The following CKAP2L variants were observed in gnomAD, a reference collection of about 807,000 sequenced individuals.
The protein encoded by CKAP2L is cytoskeleton associated protein 2L.
Under a neutral mutation model 65.7 loss-of-function variants are expected in CKAP2L, and 42 were observed. The ratio of observed to expected loss-of-function variants is 0.64; its 90% confidence interval spans 0.50 to 0.83. The LOEUF (loss-of-function observed/expected upper bound fraction) is 0.83. Ranked by LOEUF, CKAP2L falls within the 40% of genes least tolerant of loss-of-function variation. The pLI is 0.00. For synonymous variants in CKAP2L, 325 were observed against 313.5 expected (o/e 1.04, Z -0.39); for missense variants, 908 against 871.0 (o/e 1.04, Z -0.53).
chr2:112,745,454 A>G (rs1680174488), intron 6 of CKAP2L, among the ~76,000 whole-genome samples: 1 of 149,836 alleles, frequency 6.7e-6, no homozygotes, highest in Non-Finnish European at 1.5e-5. Context: ...ATCTCGGCTC[A>G]CTGCAAGCTC....
At chr2:112,742,947 CAG>C (rs1390695700) in intron 6 of CKAP2L, 178 bp from the exon 7 acceptor site, 3 of 567,890 alleles carry the variant, frequency 5.3e-6, no homozygotes, top group South Asian at 2.3e-5. Flanking sequence ...AGTAAAGGAA[CAG>C]AGAAAATTCT....
chr2:112,763,231 G>T (rs1221298002), intron 1 of CKAP2L, among the ~76,000 whole-genome samples: 1 of 152,074 alleles, frequency 6.6e-6, no homozygotes. Flanking sequence ...TCTAACCCTG[G>T]AGCTCACAGC....
At chr2:112,747,605 C>T (rs1349679163) in intron 5 of CKAP2L, among the ~76,000 whole-genome samples, 1 of 152,022 alleles carries the variant, frequency 6.6e-6, no homozygotes, top group East Asian at 1.9e-4. Flanking sequence ...CTGGCTTGTG[C>T]CGTAAGCAGG....
intron 2 of CKAP2L, among the ~76,000 whole-genome samples, chr2:112,762,034 A>G (rs1680737273): frequency 6.6e-6 from 1 of 152,250 alleles, no homozygotes; most frequent in Non-Finnish European, 1.5e-5. Context: ...AATGAAGTGG[A>G]CATGTTCTGT....
Position 112,756,444 on chromosome 2 carries a change from T to C in CKAP2L, c.927A>G (p.Gln309=). The C allele has an allele frequency of 6.2e-7, 1 of 1,613,828 alleles. No homozygotes were observed. The highest frequency in any genetic ancestry group is 8.5e-7 in the Non-Finnish European group (1 of 1,179,862). Residue 309 remains glutamine (Q), a synonymous_variant, in exon 4 of 9, where the codon CAA becomes CAG. Transcript: ENST00000302450. The stretch of plus-strand genomic sequence containing the variant: ...TCTTAGTTTCATTTGGTCTTTCATA[T>C]TGACTCCTATTAACCTTTATATCTT... ...NIKDIKVNRS[Q]YERPNETKIR...
intron 6 of CKAP2L, 114 bp from the exon 7 acceptor site, chr2:112,742,883 C>T: frequency 7.5e-6 from 5 of 663,800 alleles, no homozygotes; most frequent in South Asian, 6.0e-5. Context: ...TTTAAAATCT[C>T]GTCTAACTAT....
At position 112,756,492 on chromosome 2, in the gene CKAP2L, C is replaced by G; in HGVS notation, c.879G>C (p.Lys293Asn). 1 of 1,609,126 alleles carries G rather than the reference C, an allele frequency of 6.2e-7. No homozygotes were observed. The highest frequency in any genetic ancestry group is 1.1e-5 in the South Asian group (1 of 90,066). ...IRTLSKVQSS[K>N]KPVVKNIKDI... is the part of the protein sequence containing the mutation. Reference sequence around the variant, plus strand: ...CTTTGATGTTCTTGACTACTGGTTTCTTTGATGACTGAACTTTACTAAGGG... The same window carrying G: ...CTTTGATGTTCTTGACTACTGGTTTGTTTGATGACTGAACTTTACTAAGGG... The change falls in exon 4 of 9, where the codon AAG becomes AAC. Residue 293 changes from lysine (K) to asparagine (N), a missense_variant. Lys to Asn is a moderately conservative substitution (Grantham distance 94). Transcript: ENST00000302450.
At position 112,743,028 on chromosome 2, in the gene CKAP2L, A is replaced by G. The variant is rs72950402; in HGVS notation, c.1759-259T>C. The G allele has an allele frequency of 0.014, 6,360 of 466,466 alleles. 345 individuals are homozygous for G. The highest frequency in any genetic ancestry group is 0.11 in the African/African-American group (5,785 of 51,040). The allele number at this position is 466,466 out of a possible 1,614,324, so 28.9% of individuals were successfully genotyped here. ...AAGTTGTCCATAATGTAATTTGTCT[A>G]CATCAAATTCTATTTTCCTATTGAT... is the stretch of plus-strand genomic sequence containing the variant. On this transcript the variant is annotated intron_variant, in intron 6 of 8. Coordinates refer to ENST00000302450, the MANE Select transcript of CKAP2L (RefSeq NM_152515.5).
At chr2:112,752,661 A>C (rs1389059297) in intron 4 of CKAP2L, among the ~76,000 whole-genome samples, 187 bp from the exon 5 acceptor site, 1 of 152,234 alleles carries the variant, frequency 6.6e-6, no homozygotes, top group Non-Finnish European at 1.5e-5. Context: ...ACCCACGAGA[A>C]GGCAGACACC....
In CKAP2L at chr2:112,740,885, G is replaced by A. The variant is rs2104854245; in HGVS notation, c.1945C>T (p.Pro649Ser). 6.2e-7 allele frequency: 1 copy of A among 1,614,020 alleles called. No individual in the cohort carries two copies. The highest frequency in any genetic ancestry group is 1.7e-5 in the Admixed American group (1 of 60,024). Residue 649 changes from proline (P) to serine (S), a missense_variant, in exon 8 of 9, where the codon CCC (proline) becomes TCC (serine). Coordinates refer to ENST00000302450, the MANE Select transcript of CKAP2L (RefSeq NM_152515.5). ...PKEREQVTAT[P>S]RIAKAEQHNY... ...TGCTGTTCTGCCTTGGCTATTCGGG[G>A]TGTCGCCGTGACTTGTTCCCTCTCT...
intron 8 of CKAP2L, 79 bp from the exon 9 acceptor site, chr2:112,739,127 T>C (rs1017848686): frequency 8.9e-5 from 99 of 1,106,620 alleles, no homozygotes; most frequent in African/African-American, 1.6e-5. Context: ...TCTTATTCAA[T>C]AATAAAACAG....
intron 4 of CKAP2L, among the ~76,000 whole-genome samples, chr2:112,753,931 C>A (rs994880428): frequency 6.6e-6 from 1 of 152,178 alleles, no homozygotes; most frequent in African/African-American, 2.4e-5. Flanking sequence ...CCTGTAATTA[C>A]CGTGTCTTAT....
At chr2:112,754,553 G>A (rs1249348198) in intron 4 of CKAP2L, among the ~76,000 whole-genome samples, 1 of 152,150 alleles carries the variant, frequency 6.6e-6, no homozygotes, top group Non-Finnish European at 1.5e-5. Context: ...TGTTTCTCTA[G>A]TACTTTCTAT....
intron 3 of CKAP2L, 45 bp from the exon 4 acceptor site, chr2:112,757,259 CTTATT>C (rs143476913): frequency 0.01 from 13,669 of 1,331,836 alleles, 133 homozygotes; most frequent in Non-Finnish European, 0.011. Flanking sequence ...CTTAACATAT[CTTATT>C]GTTTTTAAAA....
chr2:112,742,666 C>T, intron 7 of CKAP2L, 40 bp downstream of exon 7: 1 of 1,260,392 alleles, frequency 7.9e-7, no homozygotes, highest in Non-Finnish European at 1.1e-6. Flanking sequence ...TTTACTGGTA[C>T]AGCTAGAGAA....
chr2:112,756,540 C>T lies in CKAP2L; in HGVS notation c.831G>A (p.Thr277=), dbSNP rs771957695. The T allele has an allele frequency of 1.9e-5, 30 of 1,608,502 alleles. No individual in the cohort carries two copies. The East Asian group carries it at 2.2e-4, about 12-fold the overall frequency. The change falls in exon 4 of 9, where the codon ACG becomes ACA. Residue 277 remains threonine (T), a synonymous_variant. Transcript: ENST00000302450. The stretch of plus-strand genomic sequence containing the variant: ...GGGTCCGAATAAAGTGAGAGGGAAC[C>T]GTCCTTGAGGGTTTTACTCCTGGTC... ...LARPGVKPSR[T]VPSHFIRTLS...
chr2:112,748,015 A>G (rs1311523093), intron 5 of CKAP2L, among the ~76,000 whole-genome samples: 1 of 152,252 alleles, frequency 6.6e-6, no homozygotes. Flanking sequence ...CCAGTGTAAT[A>G]AAACAATGAA....
At chr2:112,746,703 A>T (rs933638640) in intron 5 of CKAP2L, 128 bp from the exon 6 acceptor site, 1 of 605,926 alleles carries the variant, frequency 1.7e-6, no homozygotes, top group Non-Finnish European at 2.7e-6. Flanking sequence ...CTTTTAAAAA[A>T]ATTTCAATTT....
At position 112,738,935 on chromosome 2, in the gene CKAP2L, A is replaced by G; in HGVS notation, c.2126T>C (p.Leu709Ser). The G allele has an allele frequency of 6.2e-7, 1 of 1,614,152 alleles. No homozygotes were observed. Among genetic ancestry groups the G allele is most frequent in the East Asian group, 2.2e-5 (1 of 44,890 alleles). The change falls in exon 9 of 9, where the codon TTA becomes TCA. Residue 709 changes from leucine to serine, a missense_variant. By Grantham distance (145) the Leu-to-Ser change is moderately radical (BLOSUM62 -2). Transcript: ENST00000302450. Reference sequence around the variant, plus strand: ...CAGTTCATCAAGAGAAGCCACTACTAAATCGTGTTCCTGCAGCATTTCTGG... The same window carrying G: ...CAGTTCATCAAGAGAAGCCACTACTGAATCGTGTTCCTGCAGCATTTCTGG... ...RYPEMLQEHDLVVASLDELLE... is the reference protein window; with the variant it reads ...RYPEMLQEHDSVVASLDELLE...
Sources: gnomAD v4.1 joint callset for allele counts (sites outside exome capture counted in the v4.1 genomes callset) on GRCh38, gnomAD v4.1.1 for gene constraint, MANE v1.5 for transcripts, NCBI Gene and HGNC (gene_info 2026-07-23, HGNC 2026-07-21) for gene names.